Variants in RBM6 observed in about 807,000 individuals in gnomAD.
RBM6 encodes the protein RNA binding motif protein 6.
Under a neutral mutation model 140.4 loss-of-function variants are expected in RBM6, and 23 were observed. The ratio of observed to expected loss-of-function variants is 0.16; its 90% CI spans 0.12 to 0.23. The LOEUF (loss-of-function observed/expected upper bound fraction) is 0.23. RBM6 is among the 10% of genes least tolerant of loss of function. RBM6 has a pLI of 1.00. For synonymous variants in RBM6, 439 were observed against 475.6 expected (o/e 0.92, Z 1.00); for missense variants, 1,139 against 1,386.7 (o/e 0.82, Z 2.84).
rs542734328 is a variant in RBM6, at chr3:50,021,740, C to CTTTTTTTTTTTTTTTTT, written c.1557+22241_1557+22257dup. Among the ~76,000 whole-genome samples the CTTTTTTTTTTTTTTTTT allele has an allele frequency of 1.1e-3, 46 of 42,732 alleles. 15 individuals are homozygous for CTTTTTTTTTTTTTTTTT. The highest frequency in any genetic ancestry group is 1.4e-3 in the Non-Finnish European group (34 of 24,468). 28.0% of individuals were successfully genotyped at this position (42,732 alleles called of 152,430 possible). A position where few individuals can be genotyped will look rare whatever the true frequency, so the allele number is the denominator to read the frequency against. ...ATCTCCATACTGAGGAATTTAAGTGCTTTTTTTTTTTTTTTTTTTTTTTTT... is the reference window on the plus strand; with the variant it reads ...ATCTCCATACTGAGGAATTTAAGTGCTTTTTTTTTTTTTTTTTTTTTTTTTTTTTTTTTTTTTTTTTT... On this transcript the variant is annotated intron_variant, in intron 6 of 20. Coordinates refer to ENST00000266022, the MANE Select transcript of RBM6 (RefSeq NM_005777.3).
At chr3:50,006,953 G>A (rs1040052963) in intron 6 of RBM6, among the ~76,000 whole-genome samples, 1 of 151,554 alleles carries the variant, frequency 6.6e-6, no homozygotes, top group African/African-American at 2.4e-5. Flanking sequence ...AAAAGAACTG[G>A]GGCTGGCACA....
intron 3 of RBM6, among the ~76,000 whole-genome samples, chr3:49,969,166 A>C (rs1262322191): frequency 6.6e-6 from 1 of 151,680 alleles, no homozygotes; most frequent in African/African-American, 2.4e-5. Flanking sequence ...CAGGGATTGC[A>C]GGCATGTGCC....
At chr3:49,986,502 G>A (rs1455532747) in intron 5 of RBM6, among the ~76,000 whole-genome samples, 1 of 151,170 alleles carries the variant, frequency 6.6e-6, no homozygotes, top group Non-Finnish European at 1.5e-5. Flanking sequence ...GGCTGAGACA[G>A]GAGAATGGCA....
At chr3:50,046,129 A>T (rs559590483) in intron 6 of RBM6, among the ~76,000 whole-genome samples, 1 of 151,922 alleles carries the variant, frequency 6.6e-6, no homozygotes, top group East Asian at 1.9e-4. Context: ...AAAAATACAA[A>T]AATTAGCCAG....
chr3:49,952,476 A>G (rs1374758773), intron 1 of RBM6, among the ~76,000 whole-genome samples: 1 of 149,020 alleles, frequency 6.7e-6, no homozygotes, highest in Non-Finnish European at 1.5e-5. Context: ...CTTTTACTAT[A>G]TTTTAAATTA....
In RBM6 at chr3:50,077,030, C is replaced by G; in HGVS notation, c.3269C>G (p.Pro1090Arg). ...CAGGCTGAAGGCCGGATGAGGGGCC[C>G]CAGTGTTGGAGCCTCAGGAAGAACC... is the stretch of plus-strand genomic sequence containing the variant. ...SEEAEGRMRG[P>R]SVGASGRTSK... The change falls in exon 21 of 21, where the codon CCC becomes CGC. Residue 1090 changes from proline (P) to arginine (R), a missense_variant. This residue lies in a region of RBM6 where 125 missense variants were observed against 142.0 expected (regional missense o/e 0.88). Coordinates refer to ENST00000266022, the MANE Select transcript of RBM6 (RefSeq NM_005777.3). 1 of 1,611,806 alleles carries G rather than the reference C, an allele frequency of 6.2e-7. No individual in the cohort carries two copies. Among genetic ancestry groups the G allele is most frequent in the Non-Finnish European group, 8.5e-7 (1 of 1,179,542 alleles).
intron 6 of RBM6, among the ~76,000 whole-genome samples, chr3:50,031,646 G>A (rs2088173285): frequency 6.6e-6 from 1 of 151,932 alleles, no homozygotes; most frequent in Non-Finnish European, 1.5e-5. Flanking sequence ...GAGTTAATGG[G>A]TGCAGCACAC....
chr3:50,046,294 A>G (rs1330273533), intron 6 of RBM6, among the ~76,000 whole-genome samples: 1 of 148,326 alleles, frequency 6.7e-6, no homozygotes, highest in East Asian at 2.0e-4. Flanking sequence ...AAAAAAAAAA[A>G]GACGGCCAGG....
chr3:50,028,782 A>G (rs972345224), intron 6 of RBM6, among the ~76,000 whole-genome samples: 14 of 152,208 alleles, frequency 9.2e-5, no homozygotes, highest in Non-Finnish European at 1.5e-5. Flanking sequence ...AAATAAATAC[A>G]TATTTGTGAA....
At chr3:50,047,194 C>G (rs1256186011) in intron 6 of RBM6, 23 of 984,932 alleles carry the variant, frequency 2.3e-5, no homozygotes, top group Non-Finnish European at 2.8e-5. Context: ...TGTATGGATT[C>G]AAGCAAGAAA....
chr3:50,066,549 C>T lies in RBM6; in HGVS notation c.2943+47C>T, dbSNP rs6806779. 6.1e-4 allele frequency: 957 copies of T among 1,580,776 alleles called. 2 individuals carry two copies. The African/African-American group carries it at 0.011, about 18-fold the overall frequency. ...CCCTTTCAAACTGTTGACTCTTGGCCGGGCTTTGTGGCTCATGCCTGTAAT... is the reference window on the plus strand; with the variant it reads ...CCCTTTCAAACTGTTGACTCTTGGCTGGGCTTTGTGGCTCATGCCTGTAAT... On this transcript the variant is annotated intron_variant, in intron 17 of 20. Coordinates refer to ENST00000266022, the MANE Select transcript of RBM6 (RefSeq NM_005777.3).
intron 2 of RBM6, among the ~76,000 whole-genome samples, chr3:49,965,451 C>T (rs897559394): frequency 6.6e-5 from 10 of 151,956 alleles, no homozygotes; most frequent in East Asian, 1.9e-4. Flanking sequence ...GGGTGGATCA[C>T]GAGGTCAGGA....
Position 49,968,186 on chromosome 3 carries a change from A to G in RBM6, c.761A>G (p.His254Arg), listed in dbSNP as rs1165006652. The change falls in exon 3 of 21, where the codon CAT becomes CGT. Residue 254 changes from histidine (H) to arginine (R), a missense_variant. Transcript: ENST00000266022. Reference protein sequence around the residue: ...DLDFRDRDTPHSDFRGRHRSR... With the variant: ...DLDFRDRDTPRSDFRGRHRSR... ...GACTTTAGGGACAGGGATACGCCAC[A>G]TTCAGATTTCAGAGGTAGACACCGA... is the stretch of plus-strand genomic sequence containing the variant. 2 of 1,614,072 alleles carry G rather than the reference A, an allele frequency of 1.2e-6. No individual in the cohort carries two copies. The highest frequency in any genetic ancestry group is 2.2e-5 in the East Asian group (1 of 44,900).
chr3:50,010,900 C>CAAAAAAAA (rs776065398), intron 6 of RBM6, among the ~76,000 whole-genome samples: 1 of 52,230 alleles, frequency 1.9e-5, no homozygotes, highest in Non-Finnish European at 3.1e-5. Context: ...AAGACTGTCT[C>CAAAAAAAA]AAAAAAAAAA....
At chr3:50,058,350 A>G (rs904791452) in intron 9 of RBM6, 52 bp from the exon 10 acceptor site, 8 of 1,539,848 alleles carry the variant, frequency 5.2e-6, no homozygotes, top group Non-Finnish European at 7.2e-6. Context: ...GACTTCAAAA[A>G]TTTATCTTTC....
intron 20 of RBM6, among the ~76,000 whole-genome samples, 178 bp downstream of exon 20, chr3:50,075,508 C>G (rs528513064): frequency 6.6e-6 from 1 of 152,272 alleles, no homozygotes; most frequent in Admixed American, 6.5e-5. Context: ...AGGCTGGGCC[C>G]TTTGCAGTTT....
intron 5 of RBM6, among the ~76,000 whole-genome samples, chr3:49,986,229 A>G (rs959439735): frequency 5.9e-5 from 9 of 151,318 alleles, no homozygotes; most frequent in Non-Finnish European, 8.8e-5. Flanking sequence ...CCTGACCTCA[A>G]GTGATCCATT....
intron 4 of RBM6, among the ~76,000 whole-genome samples, chr3:49,974,904 C>G (rs1014891459): frequency 1.3e-5 from 2 of 151,684 alleles, no homozygotes; most frequent in African/African-American, 4.8e-5. Context: ...CCAGGCTGGT[C>G]TCGAACTCCT....
chr3:50,047,330 A>G, intron 6 of RBM6: 1 of 985,430 alleles, frequency 1.0e-6, no homozygotes, highest in Non-Finnish European at 1.2e-6. Context: ...ATTCTCGGTT[A>G]GTTCACTTTC....
Sources: allele counts gnomAD v4.1 joint callset (sites outside exome capture counted in the v4.1 genomes callset), GRCh38; gene constraint gnomAD v4.1.1; regional missense constraint gnomAD v4.1.1; transcripts MANE v1.5; gene names NCBI Gene and HGNC (gene_info 2026-07-23, HGNC 2026-07-21).